Variants in HPSE2 observed in about 807,000 individuals in gnomAD.
The protein encoded by HPSE2 is heparanase 2 (inactive).
A neutral mutation model predicts 60.5 loss-of-function variants in HPSE2; 38 were observed. The observed-to-expected ratio is 0.63, with a 90% CI of 0.48 to 0.82. HPSE2 has a LOEUF of 0.82. Among genes scored for constraint, HPSE2 ranks in the 40% least tolerant of loss-of-function variants. The pLI, the probability that HPSE2 is intolerant of heterozygous loss-of-function variation, is 0.00. For synonymous variants in HPSE2, 295 were observed against 293.2 expected (o/e 1.01, Z -0.06); for missense variants, 713 against 740.4 (o/e 0.96, Z 0.43).
chr10:98,640,024 C>T (rs886898495), intron 7 of HPSE2, among the ~76,000 whole-genome samples: 1 of 152,168 alleles, frequency 6.6e-6, no homozygotes, highest in Non-Finnish European at 1.5e-5. Context: ...GAATTAATGA[C>T]AGAAAATTCT....
intron 9 of HPSE2, among the ~76,000 whole-genome samples, chr10:98,544,707 C>A: frequency 1.5e-5 from 1 of 68,212 alleles, no homozygotes; most frequent in Non-Finnish European, 2.6e-5. Context: ...AGCGAGACTC[C>A]GTCTCAAAAA....
At chr10:99,255,595 CGACT>C in the HPSE2 span, among the ~76,000 whole-genome samples, 2 of 147,372 alleles carry the variant, frequency 1.4e-5, no homozygotes, top group Non-Finnish European at 3.0e-5. Context: ...CACACACACA[CGACT>C]ACAATAGATG....
chr10:99,246,374 C>T, the HPSE2 span, among the ~76,000 whole-genome samples: 1 of 152,188 alleles, frequency 6.6e-6, no homozygotes, highest in South Asian at 2.1e-4. Flanking sequence ...AATGAACAGG[C>T]TAACAAATCC....
intron 9 of HPSE2, among the ~76,000 whole-genome samples, chr10:98,592,830 T>A (rs1229636592): frequency 6.6e-6 from 1 of 152,198 alleles, no homozygotes; most frequent in Non-Finnish European, 1.5e-5. Context: ...GCTGGCAAGA[T>A]ACTTCAAAAA....
intron 3 of HPSE2, among the ~76,000 whole-genome samples, chr10:99,058,994 T>C (rs1037884569): frequency 1.3e-5 from 2 of 152,248 alleles, no homozygotes; most frequent in South Asian, 2.1e-4. Flanking sequence ...ATAGACAATA[T>C]GTAAATGAAT....
At chr10:98,844,753 A>G (rs1951996562) in intron 3 of HPSE2, among the ~76,000 whole-genome samples, 1 of 152,224 alleles carries the variant, frequency 6.6e-6, no homozygotes, top group Admixed American at 6.5e-5. Context: ...TTTATATTAC[A>G]TACACGTTTC....
intron 3 of HPSE2, among the ~76,000 whole-genome samples, chr10:99,017,519 T>C (rs1261213480): frequency 2.6e-5 from 4 of 152,184 alleles, no homozygotes; most frequent in African/African-American, 9.7e-5. Flanking sequence ...GGTTTTGGTA[T>C]TAGGATGATG....
intron 3 of HPSE2, among the ~76,000 whole-genome samples, chr10:98,765,311 GACC>G (rs1250849243): frequency 3.9e-5 from 6 of 152,066 alleles, no homozygotes; most frequent in African/African-American, 1.4e-4. Flanking sequence ...TATTTTATAT[GACC>G]ATAATGGCAT....
In HPSE2 at chr10:99,127,313, T is replaced by A. The variant is rs539838421; in HGVS notation, c.610+16925A>T. Among the ~76,000 whole-genome samples, 7 of 152,184 alleles carry A rather than the reference T, an allele frequency of 4.6e-5. No individual in the cohort carries two copies. In the South Asian group the frequency reaches 1.2e-3, roughly 27 times the overall value. On this transcript the variant is annotated intron_variant, in intron 3 of 11. Transcript: ENST00000370552. Reference sequence around the variant, plus strand: ...ATCATAAAGAAAAACAATCACAACTTCTGGAAATGAAAGACACACTTAGAG... The same window carrying A: ...ATCATAAAGAAAAACAATCACAACTACTGGAAATGAAAGACACACTTAGAG...
intron 9 of HPSE2, among the ~76,000 whole-genome samples, chr10:98,567,224 G>A (rs1012883050): frequency 6.6e-6 from 1 of 152,234 alleles, no homozygotes; most frequent in Non-Finnish European, 1.5e-5. Flanking sequence ...TGAGGTGTAA[G>A]GCAGGGATGA....
intron 4 of HPSE2, among the ~76,000 whole-genome samples, chr10:98,726,962 G>A (rs1323725405): frequency 1.3e-5 from 2 of 152,116 alleles, no homozygotes; most frequent in African/African-American, 2.4e-5. Context: ...ACTGGCAAAA[G>A]GTGGAAGGCT....
the HPSE2 span, among the ~76,000 whole-genome samples, chr10:99,254,104 T>A: frequency 2.6e-5 from 4 of 152,292 alleles, no homozygotes; most frequent in African/African-American, 9.6e-5. Flanking sequence ...CAAAAAGACA[T>A]ATGCACTCGC....
At chr10:98,603,362 C>A (rs1463514627) in intron 9 of HPSE2, among the ~76,000 whole-genome samples, 3 of 151,790 alleles carry the variant, frequency 2.0e-5, no homozygotes, top group African/African-American at 7.3e-5. Flanking sequence ...AAATACTGGG[C>A]AAAAATTCTT....
chr10:98,996,220 T>C (rs1956638679), intron 3 of HPSE2, among the ~76,000 whole-genome samples: 1 of 152,186 alleles, frequency 6.6e-6, no homozygotes, highest in Non-Finnish European at 1.5e-5. Flanking sequence ...GTTAATATTA[T>C]GAAAAGTTGA....
chr10:98,867,124 C>T (rs896742248), intron 3 of HPSE2, among the ~76,000 whole-genome samples: 1 of 152,002 alleles, frequency 6.6e-6, no homozygotes, highest in African/African-American at 2.4e-5. Context: ...AGTGAAAGGA[C>T]CTTAGTAATC....
intron 7 of HPSE2, among the ~76,000 whole-genome samples, chr10:98,637,298 C>T (rs2134024938): frequency 6.6e-6 from 1 of 152,116 alleles, no homozygotes; most frequent in South Asian, 2.1e-4. Context: ...CCAAAAATAT[C>T]ACCTATCATA....
At chr10:99,308,613 T>C in the HPSE2 span, among the ~76,000 whole-genome samples, 1 of 152,226 alleles carries the variant, frequency 6.6e-6, no homozygotes, top group African/African-American at 2.4e-5. Context: ...AGAGATAACT[T>C]TGCCACAGAA....
intron 2 of HPSE2, among the ~76,000 whole-genome samples, chr10:99,149,512 T>C (rs537148612): frequency 3.5e-4 from 54 of 152,286 alleles, no homozygotes; most frequent in Middle Eastern, 3.4e-3. Context: ...CATTTCCTAA[T>C]AAAGAAGGGA....
chr10:98,607,914 G>A (rs1945639375), intron 9 of HPSE2, among the ~76,000 whole-genome samples: 1 of 152,020 alleles, frequency 6.6e-6, no homozygotes, highest in Admixed American at 6.6e-5. Flanking sequence ...GGTTATTAAT[G>A]ATAATTATTG....
Sources: gnomAD v4.1 joint callset for allele counts (sites outside exome capture counted in the v4.1 genomes callset) on GRCh38, gnomAD v4.1.1 for gene constraint, MANE v1.5 for transcripts, NCBI Gene and HGNC (gene_info 2026-07-23, HGNC 2026-07-21) for gene names.